ANO1: variants seen among roughly 807,000 people sequenced by gnomAD.
ANO1 encodes the protein anoctamin 1, also known as anoctamin-1.
Under a neutral mutation model 124.0 loss-of-function variants are expected in ANO1, and 59 were observed. The ratio of observed to expected loss-of-function variants is 0.48; its 90% CI spans 0.39 to 0.59. The LOEUF (loss-of-function observed/expected upper bound fraction) is 0.59. ANO1 is among the 20% of genes least tolerant of loss of function. The probability of loss-of-function intolerance (pLI) is 0.00; values close to 1 mark genes in which losing one functional copy is unlikely to be tolerated. For missense variants in ANO1, 1,059 were observed against 1,328.0 expected (o/e 0.80, Z 3.15); for synonymous variants, 529 against 532.0 (o/e 0.99, Z 0.08).
intron 15 of ANO1, among the ~76,000 whole-genome samples, chr11:70,156,661 A>T (rs2047827802): frequency 6.6e-6 from 1 of 152,216 alleles, no homozygotes; most frequent in South Asian, 2.1e-4. Flanking sequence ...AGTCTTTAGA[A>T]AGGCAGCTGG....
chr11:70,081,432 C>T (rs1406539827), intron 1 of ANO1, among the ~76,000 whole-genome samples: 1 of 152,088 alleles, frequency 6.6e-6, no homozygotes, highest in African/African-American at 2.4e-5. Flanking sequence ...GCCCCATAAT[C>T]GTACATTGAT....
At chr11:70,134,935 G>T (rs185008201) in intron 11 of ANO1, among the ~76,000 whole-genome samples, 1 of 152,320 alleles carries the variant, frequency 6.6e-6, no homozygotes, top group African/African-American at 2.4e-5. Flanking sequence ...GCAAGGACAC[G>T]CTGAGAAGAA....
intron 1 of ANO1, among the ~76,000 whole-genome samples, chr11:69,989,364 G>A (rs1055932721): frequency 2.0e-5 from 3 of 152,162 alleles, no homozygotes; most frequent in South Asian, 2.1e-4. Flanking sequence ...AGTGGGTGGT[G>A]TGGGAAAACA....
chr11:69,999,988 T>C (rs1046102967), intron 1 of ANO1, among the ~76,000 whole-genome samples: 11 of 152,100 alleles, frequency 7.2e-5, no homozygotes, highest in African/African-American at 2.7e-4. Flanking sequence ...ACTGCTTTAT[T>C]GTGAAAGTTT....
At chr11:70,092,925 C>G (rs1277100302) in intron 2 of ANO1, among the ~76,000 whole-genome samples, 1 of 152,160 alleles carries the variant, frequency 6.6e-6, no homozygotes, top group East Asian at 1.9e-4. Context: ...GACCTCAGGA[C>G]AGCACTGCAG....
chr11:70,185,555 A>C (rs1192488500), intron 24 of ANO1, 35 bp from the exon 25 acceptor site: 3 of 1,595,062 alleles, frequency 1.9e-6, no homozygotes, highest in Non-Finnish European at 2.6e-6. Context: ...GCCCCACCGA[A>C]GTCCCACCCT....
At chr11:70,061,013 A>G (rs1196789084) in intron 1 of ANO1, among the ~76,000 whole-genome samples, 2 of 152,218 alleles carry the variant, frequency 1.3e-5, no homozygotes, top group Admixed American at 1.3e-4. Context: ...CCTGGTATCC[A>G]GATACAGAGT....
chr11:70,021,501 A>G (rs1856808790), intron 1 of ANO1, among the ~76,000 whole-genome samples: 1 of 151,596 alleles, frequency 6.6e-6, no homozygotes, highest in Non-Finnish European at 1.5e-5. Flanking sequence ...GCTCTATCAG[A>G]AGAAATTAAA....
At chr11:69,970,850 A>G in the ANO1 span, among the ~76,000 whole-genome samples, 1,333 of 152,318 alleles carry the variant, frequency 8.8e-3, 8 homozygotes, top group Non-Finnish European at 0.011. Flanking sequence ...CTCAGCACGG[A>G]TATCCACCTT....
At chr11:70,142,942 GC>G (rs2047212866) in intron 11 of ANO1, among the ~76,000 whole-genome samples, 1 of 152,088 alleles carries the variant, frequency 6.6e-6, no homozygotes, top group African/African-American at 2.4e-5. Context: ...ACCCCCAAAG[GC>G]CCCATCTTCA....
At chr11:70,125,989 G>A (rs2046495961) in intron 9 of ANO1, 72 bp from the exon 10 acceptor site, 1 of 1,507,310 alleles carries the variant, frequency 6.6e-7, no homozygotes, top group Non-Finnish European at 8.9e-7. Context: ...TTGCTGGGGA[G>A]GGCCTGTGAC....
intron 1 of ANO1, among the ~76,000 whole-genome samples, chr11:70,043,307 C>T (rs1310508083): frequency 6.6e-6 from 1 of 152,030 alleles, no homozygotes; most frequent in Admixed American, 6.6e-5. Flanking sequence ...AGAAAAAACA[C>T]TGGGAAAAAT....
intron 4 of ANO1, among the ~76,000 whole-genome samples, chr11:70,105,183 C>G (rs763901697): frequency 6.6e-6 from 1 of 152,126 alleles, no homozygotes; most frequent in African/African-American, 2.4e-5. Flanking sequence ...CTGGCCCAGC[C>G]GCCCTCCCCA....
chr11:70,095,406 GAAAGAAAGAAAGAAAGAAAGA>G (rs200878602), intron 2 of ANO1, among the ~76,000 whole-genome samples: 7,269 of 50,568 alleles, frequency 0.14, 1,311 homozygotes, highest in Non-Finnish European at 0.21. Flanking sequence ...AAGAAAGAAA[GAAAGAAAGAAAGAAAGAAAGA>G]AAAGAAAAGA....
At chr11:70,049,299 C>T (rs1176877333) in intron 1 of ANO1, among the ~76,000 whole-genome samples, 2 of 152,330 alleles carry the variant, frequency 1.3e-5, no homozygotes, top group South Asian at 2.1e-4. Flanking sequence ...TTGCAGTTGA[C>T]AGATCAGGTT....
At chr11:70,132,586 C>T (rs183881825) in intron 11 of ANO1, among the ~76,000 whole-genome samples, 3 of 152,346 alleles carry the variant, frequency 2.0e-5, no homozygotes, top group Admixed American at 2.0e-4. Flanking sequence ...GGTCACTCAG[C>T]TCCTGATTGC....
chr11:70,093,378 C>T (rs2044714165), intron 2 of ANO1, among the ~76,000 whole-genome samples: 3 of 117,194 alleles, frequency 2.6e-5, no homozygotes, highest in Admixed American at 8.1e-5. Flanking sequence ...TCAGGGTTCC[C>T]ATTAAAGGGA....
chr11:70,170,218 C>CT, intron 21 of ANO1: 1 of 453,154 alleles, frequency 2.2e-6, no homozygotes. Flanking sequence ...AGCAGGGCCA[C>CT]TGCCACGTCC....
At chr11:70,010,714 A>G (rs1555000967) in intron 1 of ANO1, among the ~76,000 whole-genome samples, 1 of 152,092 alleles carries the variant, frequency 6.6e-6, no homozygotes, top group Non-Finnish European at 1.5e-5. Flanking sequence ...TCAAACACTC[A>G]AAGCCCCCGC....
Sources: gnomAD v4.1 joint callset for allele counts (sites outside exome capture counted in the v4.1 genomes callset) on GRCh38, gnomAD v4.1.1 for gene constraint, MANE v1.5 for transcripts, NCBI Gene and HGNC (gene_info 2026-07-23, HGNC 2026-07-21) for gene names.